The following RBFOX1 variants were observed in gnomAD, a reference collection of about 807,000 sequenced individuals.
RBFOX1 encodes RNA binding fox-1 homolog 1, also known as RNA binding protein fox-1 homolog 1.
In RBFOX1, 8 loss-of-function variants were observed where a neutral mutation model predicts 57.7. The ratio of observed to expected loss-of-function variants is 0.14; its 90% CI spans 0.08 to 0.25. The LOEUF (loss-of-function observed/expected upper bound fraction) is 0.25. Ranked by LOEUF, RBFOX1 falls within the 10% of genes least tolerant of loss-of-function variation. RBFOX1 has a pLI of 1.00. For synonymous variants in RBFOX1, 326 were observed against 222.4 expected, an observed-to-expected ratio of 1.47 and a Z score of -4.15; for missense variants, 611 against 548.5, an observed-to-expected ratio of 1.11 and a Z score of -1.14.
chr16:6,990,465 C>T (rs1273448494), intron 3 of RBFOX1, among the ~76,000 whole-genome samples: 2 of 151,990 alleles, frequency 1.3e-5, no homozygotes, highest in African/African-American at 2.4e-5. Flanking sequence ...TTGGAGTTTG[C>T]AGTGAGTTGA....
intron 4 of RBFOX1, among the ~76,000 whole-genome samples, chr16:7,225,905 A>AATCAATAAATATAT (rs1555600462): frequency 1.1e-5 from 1 of 93,752 alleles, no homozygotes; most frequent in African/African-American, 4.8e-5. Flanking sequence ...AAGTATAATA[A>AATCAATAAATATAT]ATATATATAT....
chr16:5,617,911 A>G (rs779602579), intron 3 of RBFOX1, among the ~76,000 whole-genome samples: 2 of 152,176 alleles, frequency 1.3e-5, no homozygotes, highest in Non-Finnish European at 2.9e-5. Flanking sequence ...CTTACCTGGT[A>G]TCTACTAGGA....
At chr16:6,645,239 T>G (rs559594364) in intron 2 of RBFOX1, among the ~76,000 whole-genome samples, 48 of 152,284 alleles carry the variant, frequency 3.2e-4, no homozygotes, top group African/African-American at 1.2e-3. Context: ...TCAAGACCCT[T>G]AATTATGTCT....
chr16:7,117,174 G>A (rs1482245334), intron 4 of RBFOX1, among the ~76,000 whole-genome samples: 6 of 152,174 alleles, frequency 3.9e-5, no homozygotes, highest in Admixed American at 3.9e-4. Flanking sequence ...GGGCAGAGAG[G>A]TGGCAGGTTG....
intron 2 of RBFOX1, among the ~76,000 whole-genome samples, chr16:5,530,947 A>T (rs2044449900): frequency 3.4e-4 from 8 of 23,310 alleles, no homozygotes; most frequent in Admixed American, 1.2e-3. Context: ...AAAAAAAAAA[A>T]AAAAAAAAAA....
intron 2 of RBFOX1, among the ~76,000 whole-genome samples, chr16:6,383,542 A>G (rs1596395694): frequency 6.6e-6 from 1 of 152,154 alleles, no homozygotes; most frequent in Non-Finnish European, 1.5e-5. Context: ...TGGGAGGCTG[A>G]GGTGGGCGGA....
At chr16:7,432,188 G>A (rs935391798) in intron 4 of RBFOX1, among the ~76,000 whole-genome samples, 8 of 152,352 alleles carry the variant, frequency 5.3e-5, no homozygotes, top group South Asian at 2.1e-4. Context: ...TGCCTGGGGC[G>A]GAAATGTGGC....
intron 2 of RBFOX1, among the ~76,000 whole-genome samples, chr16:6,596,345 C>T (rs1480821782): frequency 1.3e-5 from 2 of 152,154 alleles, no homozygotes; most frequent in Admixed American, 6.5e-5. Flanking sequence ...CCAGTTACCC[C>T]AGCACCATTC....
chr16:6,064,916 A>C (rs1007817575), intron 1 of RBFOX1, among the ~76,000 whole-genome samples: 1 of 152,044 alleles, frequency 6.6e-6, no homozygotes, highest in Non-Finnish European at 1.5e-5. Context: ...CAAGACATGG[A>C]GAATCCGAAT....
chr16:7,225,909 T>TAA (rs2093076667), intron 4 of RBFOX1, among the ~76,000 whole-genome samples: 3 of 38,512 alleles, frequency 7.8e-5, no homozygotes, highest in African/African-American at 5.8e-4. Flanking sequence ...ATAATAAATA[T>TAA]ATATATATAT....
At chr16:5,368,201 A>T (rs1443652394) in intron 1 of RBFOX1, among the ~76,000 whole-genome samples, 1 of 152,220 alleles carries the variant, frequency 6.6e-6, no homozygotes. Flanking sequence ...GAAGCTGCTC[A>T]TGTGGTTATC....
At chr16:7,568,219 T>G (rs904839699) in intron 5 of RBFOX1, among the ~76,000 whole-genome samples, 1 of 152,188 alleles carries the variant, frequency 6.6e-6, no homozygotes, top group African/African-American at 2.4e-5. Flanking sequence ...AGAGCAGCCC[T>G]GAGGGCTGCT....
intron 6 of RBFOX1, among the ~76,000 whole-genome samples, chr16:7,586,653 C>G (rs376755774): frequency 2.0e-5 from 3 of 152,304 alleles, no homozygotes; most frequent in South Asian, 4.1e-4. Flanking sequence ...TGTCTAAAAT[C>G]TATTTGTTTA....
intron 14 of RBFOX1, among the ~76,000 whole-genome samples, chr16:7,693,967 C>T (rs955625021): frequency 6.6e-6 from 1 of 152,168 alleles, no homozygotes; most frequent in Non-Finnish European, 1.5e-5. Flanking sequence ...GAAACCAGGA[C>T]ATTGGCAAAT....
chr16:7,360,757 C>A (rs1005940932), intron 4 of RBFOX1, among the ~76,000 whole-genome samples: 2 of 152,154 alleles, frequency 1.3e-5, no homozygotes, highest in African/African-American at 4.8e-5. Context: ...TCTCTTTTTT[C>A]CTATCTGTGT....
intron 3 of RBFOX1, among the ~76,000 whole-genome samples, chr16:6,899,224 TG>T: frequency 6.6e-6 from 1 of 152,164 alleles, no homozygotes; most frequent in Middle Eastern, 3.4e-3. Flanking sequence ...TGTGTATGTG[TG>T]GATGCGTGTC....
In RBFOX1 at chr16:5,756,248, A is replaced by AAG. The variant is rs2053392684; in HGVS notation, c.319-111055_319-111054insAG. On this transcript the variant is annotated intron_variant, in intron 3 of 19. Coordinates refer to the RBFOX1 transcript ENST00000641259. ...CAAAAAAAAAAAAAAAAAAAAAAAA[A>AAG]CCCTGCACCACCTCCTGCAGTGTAT... Among the ~76,000 whole-genome samples the AAG allele has an allele frequency of 1.3e-4, 18 of 137,564 alleles. No homozygotes were observed. In the South Asian group the frequency reaches 4.1e-3, roughly 32 times the overall value. The allele number at this position is 137,564 out of a possible 152,430, so 90.2% of individuals were successfully genotyped here. A position where few individuals can be genotyped will look rare whatever the true frequency, so the allele number is the denominator to read the frequency against.
chr16:7,223,616 T>C (rs1295568407), intron 4 of RBFOX1, among the ~76,000 whole-genome samples: 1 of 151,936 alleles, frequency 6.6e-6, no homozygotes, highest in South Asian at 2.1e-4. Flanking sequence ...TGCCTCTTGA[T>C]GCTTTCAAGC....
chr16:5,814,319 A>G (rs1204300140), intron 3 of RBFOX1, among the ~76,000 whole-genome samples: 1 of 152,216 alleles, frequency 6.6e-6, no homozygotes, highest in Non-Finnish European at 1.5e-5. Flanking sequence ...GTAAAAGAAT[A>G]TAAAAATAAA....
Sources: gnomAD v4.1 joint callset for allele counts (sites outside exome capture counted in the v4.1 genomes callset) on GRCh38, gnomAD v4.1.1 for gene constraint, MANE v1.5 for transcripts, NCBI Gene and HGNC (gene_info 2026-07-23, HGNC 2026-07-21) for gene names.